Variants in DHRSX observed in about 807,000 individuals in gnomAD.
DHRSX encodes polyprenol dehydrogenase.
DHRSX carries 31 observed loss-of-function variants against 34.0 expected under a neutral mutation model. That is an observed-to-expected ratio of 0.91 (90% CI 0.69 to 1.23). DHRSX has a LOEUF of 1.23. Ranked by LOEUF, DHRSX falls within the 50% of genes most tolerant of loss-of-function variation. The pLI, the probability that DHRSX is intolerant of heterozygous loss-of-function variation, is 0.00. For missense variants in DHRSX, 414 were observed against 428.1 expected, an observed-to-expected ratio of 0.97 and a Z score of 0.29; for synonymous variants, 201 against 183.8, an observed-to-expected ratio of 1.09 and a Z score of -0.76.
rs190009613 is a variant in DHRSX at position 2,457,497 on chromosome X, G to C, written c.110-32193C>G. On this transcript the variant is annotated intron_variant, in intron 1 of 6. Coordinates refer to ENST00000334651, the MANE Select transcript of DHRSX (RefSeq NM_145177.3). ...AGACATTCCCTAAGATGCAGCCAAG[G>C]GACAGCACTCAAGACATTCCCTAGG... is the stretch of plus-strand genomic sequence containing the variant. Among the ~76,000 whole-genome samples, 871 of 149,708 alleles carry C rather than the reference G, an allele frequency of 5.8e-3. 8 individuals are homozygous for C. Among genetic ancestry groups the C allele is most frequent in the Non-Finnish European group, 8.6e-3 (581 of 67,514 alleles).
At chrX:2,419,092 G>A (rs180808205) in intron 2 of DHRSX, among the ~76,000 whole-genome samples, 11 of 152,258 alleles carry the variant, frequency 7.2e-5, no homozygotes, top group Admixed American at 1.3e-4. Flanking sequence ...TAGAGGGGGC[G>A]CAATAAACTG....
chrX:2,253,799 G>A (rs962482583), intron 5 of DHRSX, among the ~76,000 whole-genome samples: 6 of 152,138 alleles, frequency 3.9e-5, no homozygotes, highest in East Asian at 1.9e-4. Flanking sequence ...GGTGGCTCAC[G>A]CCTGTAATCC....
chrX:2,443,772 C>T lies in DHRSX; in HGVS notation c.110-18468G>A, dbSNP rs770454834. ...CTGTAATCCCAGCACTTTGGGAGGCCGAGGCGGGCAGATCACGAGGTCAGG... is the reference window on the plus strand; with the variant it reads ...CTGTAATCCCAGCACTTTGGGAGGCTGAGGCGGGCAGATCACGAGGTCAGG... On this transcript the variant is annotated intron_variant, in intron 1 of 6. Coordinates refer to ENST00000334651, the MANE Select transcript of DHRSX (RefSeq NM_145177.3). Among the ~76,000 whole-genome samples, 9 of 152,084 alleles carry T rather than the reference C, an allele frequency of 5.9e-5. No homozygotes were observed. The South Asian group carries it at 8.3e-4, about 14-fold the overall frequency.
chrX:2,430,703 G>T (rs1303427250), intron 1 of DHRSX, among the ~76,000 whole-genome samples: 3 of 151,918 alleles, frequency 2.0e-5, no homozygotes, highest in Non-Finnish European at 2.9e-5. Flanking sequence ...GTTCCTTCTT[G>T]GTGTGTGCTT....
chrX:2,288,032 T>A (rs1212073188), intron 4 of DHRSX, among the ~76,000 whole-genome samples: 1 of 152,080 alleles, frequency 6.6e-6, no homozygotes, highest in Non-Finnish European at 1.5e-5. Flanking sequence ...GATCTTGAGA[T>A]GAGGTGATTA....
At chrX:2,451,332 C>T (rs1426543226) in intron 1 of DHRSX, among the ~76,000 whole-genome samples, 1 of 151,976 alleles carries the variant, frequency 6.6e-6, no homozygotes, top group East Asian at 1.9e-4. Context: ...CTGCACAGGC[C>T]ACCTTCAAAG....
chrX:2,293,877 C>G (rs1180118740), intron 3 of DHRSX, among the ~76,000 whole-genome samples: 1 of 152,036 alleles, frequency 6.6e-6, no homozygotes. Context: ...AAAATGCCAG[C>G]AATCAATTTT....
At chrX:2,309,649 C>G (rs918122598) in intron 3 of DHRSX, among the ~76,000 whole-genome samples, 5 of 152,130 alleles carry the variant, frequency 3.3e-5, no homozygotes, top group Admixed American at 1.3e-4. Flanking sequence ...TGGTGGCTCA[C>G]CCTGTCACTG....
intron 1 of DHRSX, among the ~76,000 whole-genome samples, chrX:2,447,865 A>G (rs1279171572): frequency 2.3e-4 from 21 of 90,822 alleles, no homozygotes; most frequent in Non-Finnish European, 3.7e-4. Context: ...TTGCCAGGGA[A>G]GAATGCTTCA....
chrX:2,223,767 T>G (rs1370528821), intron 6 of DHRSX, among the ~76,000 whole-genome samples: 1 of 152,160 alleles, frequency 6.6e-6, no homozygotes, highest in Non-Finnish European at 1.5e-5. Flanking sequence ...CTGCCCAATT[T>G]CCAGGCAGGA....
chrX:2,244,081 T>G (rs2016222247), intron 5 of DHRSX, among the ~76,000 whole-genome samples: 1 of 152,028 alleles, frequency 6.6e-6, no homozygotes, highest in African/African-American at 2.4e-5. Context: ...ACATGTGGTC[T>G]TCTTGATGAG....
chrX:2,481,846 T>A (rs974852889), intron 1 of DHRSX, among the ~76,000 whole-genome samples: 3 of 152,098 alleles, frequency 2.0e-5, no homozygotes, highest in Admixed American at 6.6e-5. Context: ...GGGCTCATCC[T>A]CCCGAGTACA....
chrX:2,438,538 G>T (rs1569501329), intron 1 of DHRSX, among the ~76,000 whole-genome samples: 1 of 151,866 alleles, frequency 6.6e-6, no homozygotes, highest in African/African-American at 2.4e-5. Context: ...GGGCGAGATG[G>T]CTGGCGCCTG....
chrX:2,431,326 C>CAAA (rs748686139), intron 1 of DHRSX, among the ~76,000 whole-genome samples: 2,891 of 124,116 alleles, frequency 0.023, 104 homozygotes, highest in African/African-American at 0.076. Flanking sequence ...CTCCATCTCA[C>CAAA]AAAAAAAAAA....
At chrX:2,270,886 A>G (rs35012995) in intron 4 of DHRSX, among the ~76,000 whole-genome samples, 88,503 of 151,524 alleles carry the variant, frequency 0.58, 27,903 homozygotes, top group Non-Finnish European at 0.74. Flanking sequence ...GGACCAATCA[A>G]TGCTCTATAA....
At chrX:2,259,315 T>TAG (rs1569480890) in intron 5 of DHRSX, among the ~76,000 whole-genome samples, 5 of 146,762 alleles carry the variant, frequency 3.4e-5, no homozygotes, top group African/African-American at 1.0e-4. Flanking sequence ...TAGATATAGA[T>TAG]ATATAGATAG....
chrX:2,477,480 A>G (rs1031372908), intron 1 of DHRSX, among the ~76,000 whole-genome samples: 5 of 152,198 alleles, frequency 3.3e-5, no homozygotes, highest in Admixed American at 6.5e-5. Flanking sequence ...TCCAGACCAC[A>G]TGGAAGGTGG....
intron 2 of DHRSX, among the ~76,000 whole-genome samples, chrX:2,409,544 C>T (rs1818726154): frequency 2.0e-5 from 3 of 151,950 alleles, no homozygotes; most frequent in Admixed American, 2.0e-4. Context: ...TCTGTTCCTG[C>T]GTTAGTTGGC....
At chrX:2,335,874 G>T (rs925810576) in intron 3 of DHRSX, among the ~76,000 whole-genome samples, 3 of 152,010 alleles carry the variant, frequency 2.0e-5, no homozygotes, top group Admixed American at 1.3e-4. Flanking sequence ...TTAAATTATT[G>T]TTACTGTCAC....
Sources: allele counts gnomAD v4.1 joint callset (sites outside exome capture counted in the v4.1 genomes callset), GRCh38; gene constraint gnomAD v4.1.1; transcripts MANE v1.5; gene names NCBI Gene and HGNC (gene_info 2026-07-23, HGNC 2026-07-21).